RIMBP2: variants seen among roughly 807,000 people sequenced by gnomAD.
RIMBP2 encodes RIMS-binding protein 2.
A neutral mutation model predicts 118.6 loss-of-function variants in RIMBP2; 48 were observed. The ratio of observed to expected loss-of-function variants is 0.40; its 90% CI spans 0.32 to 0.51. RIMBP2 has a LOEUF of 0.51. Among genes scored for constraint, RIMBP2 ranks in the 20% least tolerant of loss-of-function variants. RIMBP2 has a pLI of 0.41. For missense variants in RIMBP2, 1,551 were observed against 1,768.3 expected, an observed-to-expected ratio of 0.88 and a Z score of 2.20; for synonymous variants, 762 against 742.9, an observed-to-expected ratio of 1.03 and a Z score of -0.42.
intron 6 of RIMBP2, chr12:130,465,222 G>C (rs2080349824): frequency 6.6e-6 from 1 of 152,230 alleles, no homozygotes; most frequent in Non-Finnish European, 1.5e-5. Context: ...AGGAAGGGGG[G>C]CTGTTCAGGA....
In RIMBP2 at chr12:130,710,856, C is replaced by T. The variant is rs1376242364; in HGVS notation, c.-352+5366G>A. On this transcript the variant is annotated intron_variant, in intron 1 of 22. Transcript: ENST00000690449. This position sits in a 1 kb window ranked among gnomAD's most constrained non-coding sequence, Gnocchi z 4.3. ...TCTACCTGCTCCTCCACAAGCCCCA[C>T]TGCTCCCAATCCTCACAGGCCCCGC... Among the ~76,000 whole-genome samples the T allele has an allele frequency of 6.6e-6, 1 of 152,272 alleles. No individual in the cohort carries two copies. The highest frequency in any genetic ancestry group is 2.4e-5 in the African/African-American group (1 of 41,476).
intron 1 of RIMBP2, among the ~76,000 whole-genome samples, chr12:130,666,987 G>A: frequency 1.4e-5 from 1 of 69,592 alleles, no homozygotes; most frequent in South Asian, 5.4e-4. Context: ...GGGAGGGACA[G>A]AGGGAGGAAG....
At chr12:130,426,281 A>G (rs375314271) in intron 15 of RIMBP2, 1 of 140,762 alleles carries the variant, frequency 7.1e-6, no homozygotes, top group Non-Finnish European at 1.5e-5. Context: ...CATGATTTCT[A>G]TTTTTTTTTT....
intron 1 of RIMBP2, among the ~76,000 whole-genome samples, chr12:130,687,719 T>C (rs575814447): frequency 2.3e-4 from 35 of 152,320 alleles, no homozygotes; most frequent in Admixed American, 7.8e-4. Context: ...ATCTGAAGCA[T>C]ATAGACTTTC....
At chr12:130,687,594 T>G (rs912113560) in intron 1 of RIMBP2, among the ~76,000 whole-genome samples, 4 of 152,234 alleles carry the variant, frequency 2.6e-5, no homozygotes, top group African/African-American at 4.8e-5. Context: ...TCTAGGTGAC[T>G]GGGCATTGAA....
At position 130,523,976 on chromosome 12, in the gene RIMBP2, G is replaced by A. The variant is rs532764832; in HGVS notation, c.-216-6059C>T. Reference sequence around the variant, plus strand: ...CTGGCTCTCAGGATCTGGTATCCACGCTACAGGATTCAAAACCATGAACAT... The same window carrying A: ...CTGGCTCTCAGGATCTGGTATCCACACTACAGGATTCAAAACCATGAACAT... On this transcript the variant is annotated intron_variant, in intron 2 of 22. Transcript: ENST00000690449. This position sits in a 1 kb window ranked among gnomAD's most constrained non-coding sequence, Gnocchi z 4.4. Among the ~76,000 whole-genome samples the A allele has an allele frequency of 1.5e-4, 23 of 152,278 alleles. No homozygotes were observed. The highest frequency in any genetic ancestry group is 2.1e-4 in the South Asian group (1 of 4,826).
intron 21 of RIMBP2, among the ~76,000 whole-genome samples, chr12:130,404,843 A>G (rs1352740544): frequency 1.3e-5 from 2 of 152,208 alleles, no homozygotes; most frequent in African/African-American, 4.8e-5. Flanking sequence ...TAAAAATACA[A>G]TAATTAAGAC....
At chr12:130,657,350 G>A (rs753477458) in intron 1 of RIMBP2, among the ~76,000 whole-genome samples, 16 of 152,172 alleles carry the variant, frequency 1.1e-4, no homozygotes, top group Non-Finnish European at 4.4e-5. Context: ...TGTGGGATGG[G>A]AGGGCCACAA....
At chr12:130,673,728 G>A (rs1448637544) in intron 1 of RIMBP2, among the ~76,000 whole-genome samples, 1 of 152,186 alleles carries the variant, frequency 6.6e-6, no homozygotes, top group Non-Finnish European at 1.5e-5. Context: ...GGGGCCTGGT[G>A]GGAGGTGCCT....
chr12:130,531,948 G>A (rs1484963719), intron 2 of RIMBP2, among the ~76,000 whole-genome samples: 1 of 140,772 alleles, frequency 7.1e-6, no homozygotes, highest in East Asian at 2.1e-4. Context: ...GCCTCTAGGA[G>A]GTACGTCTAA....
At chr12:130,508,152 G>A (rs1429240492) in intron 3 of RIMBP2, among the ~76,000 whole-genome samples, 1 of 151,986 alleles carries the variant, frequency 6.6e-6, no homozygotes, top group African/African-American at 2.4e-5. Flanking sequence ...AATACCCTGG[G>A]GTGCAGGTTT....
At chr12:130,558,011 G>C (rs1247767936) in intron 2 of RIMBP2, among the ~76,000 whole-genome samples, 1 of 152,160 alleles carries the variant, frequency 6.6e-6, no homozygotes, top group Non-Finnish European at 1.5e-5. Context: ...AAATAAACAA[G>C]CAAATAAGAG....
chr12:130,552,087 T>C (rs890074581), intron 2 of RIMBP2, among the ~76,000 whole-genome samples: 1 of 152,226 alleles, frequency 6.6e-6, no homozygotes, highest in Non-Finnish European at 1.5e-5. Flanking sequence ...TTAACATCTA[T>C]AAGATGCATT....
chr12:130,631,680 TC>T (rs147431434), intron 1 of RIMBP2, among the ~76,000 whole-genome samples: 20 of 147,802 alleles, frequency 1.4e-4, no homozygotes, highest in African/African-American at 5.0e-4. Flanking sequence ...AACTGGTAAG[TC>T]AAAAAAAAAA....
Position 130,442,995 on chromosome 12 carries a change from G to A in RIMBP2, c.692-335C>T, listed in dbSNP as rs938694972. ...AGCAGGGACCACACGACTATTGAAT[G>A]CCCAGCCCTAGAGTGACAGCTGGCC... On this transcript the variant is annotated intron_variant, in intron 10 of 22. Transcript: ENST00000690449. This position sits in a 1 kb window ranked among gnomAD's most constrained non-coding sequence, Gnocchi z 6.9. 1.3e-5 allele frequency among the ~76,000 whole-genome samples: 2 copies of A among 152,290 alleles called. No individual in the cohort carries two copies. The highest frequency in any genetic ancestry group is 2.4e-5 in the African/African-American group (1 of 41,552).
At chr12:130,432,493 CAGAAGTTGAA>C in intron 14 of RIMBP2, among the ~76,000 whole-genome samples, 1 of 152,248 alleles carries the variant, frequency 6.6e-6, no homozygotes, top group East Asian at 1.9e-4. Flanking sequence ...CCACCCTATT[CAGAAGTTGAA>C]ACCTTAACCC....
intron 2 of RIMBP2, among the ~76,000 whole-genome samples, chr12:130,616,379 A>G (rs2060935570): frequency 1.3e-5 from 2 of 149,746 alleles, no homozygotes; most frequent in Admixed American, 6.7e-5. Context: ...TCCTCCTCTC[A>G]TCTTCTCTGA....
intron 6 of RIMBP2, chr12:130,466,334 G>A (rs1238700501): frequency 6.6e-6 from 1 of 152,196 alleles, no homozygotes; most frequent in African/African-American, 2.4e-5. Flanking sequence ...TCTGTTCTGT[G>A]TTTAAATCCT....
At chr12:130,529,649 T>TACCACC (rs2053170102) in intron 2 of RIMBP2, among the ~76,000 whole-genome samples, 1 of 152,210 alleles carries the variant, frequency 6.6e-6, no homozygotes, top group Non-Finnish European at 1.5e-5. Context: ...TTTTAAAAGA[T>TACCACC]ACCACCCAAC....
Sources: gnomAD v4.1 joint callset for allele counts (sites outside exome capture counted in the v4.1 genomes callset) on GRCh38, gnomAD v4.1.1 for gene constraint, Gnocchi (gnomAD v3.1) non-coding constraint, MANE v1.5 for transcripts, NCBI Gene and HGNC (gene_info 2026-07-23, HGNC 2026-07-21) for gene names.